Variants in HLCS observed in about 807,000 individuals in gnomAD.
HLCS encodes the protein biotin--protein ligase.
In HLCS, 53 loss-of-function variants were observed where a neutral mutation model predicts 75.0. The ratio of observed to expected loss-of-function variants is 0.71; its 90% CI spans 0.57 to 0.89. The LOEUF is 0.89. Among genes scored for constraint, HLCS ranks in the 40% least tolerant of loss-of-function variants. The pLI, the probability that HLCS is intolerant of heterozygous loss-of-function variation, is 0.00. For missense variants in HLCS, 966 were observed against 1,074.0 expected (o/e 0.90, Z 1.41); for synonymous variants, 431 against 428.6 (o/e 1.01, Z -0.07).
intron 6 of HLCS, among the ~76,000 whole-genome samples, chr21:36,787,003 C>CCAAGTGCACTGAAAGATTCTCCCTT (rs2060707185): frequency 1.3e-5 from 2 of 152,180 alleles, no homozygotes; most frequent in Non-Finnish European, 2.9e-5. Flanking sequence ...AAAGATGCGA[C>CCAAGTGCACTGAAAGATTCTCCCTT]CATGTAGGGA....
intron 5 of HLCS, among the ~76,000 whole-genome samples, chr21:36,911,855 G>A (rs2065729775): frequency 6.6e-6 from 1 of 151,470 alleles, no homozygotes; most frequent in Non-Finnish European, 1.5e-5. Context: ...TGGATCACCT[G>A]AGGTCAGAAG....
At chr21:36,965,593 A>G (rs2068524975) in intron 1 of HLCS, among the ~76,000 whole-genome samples, 2 of 152,232 alleles carry the variant, frequency 1.3e-5, no homozygotes, top group South Asian at 4.1e-4. Flanking sequence ...AAAAGACGCA[A>G]AGACCATCAG....
chr21:36,838,298 TCACACA>T (rs148428941), intron 6 of HLCS, among the ~76,000 whole-genome samples: 9 of 127,300 alleles, frequency 7.1e-5, no homozygotes, highest in East Asian at 2.0e-4. Context: ...GGGTGAATGA[TCACACA>T]CACACACACA....
intron 4 of HLCS, among the ~76,000 whole-genome samples, chr21:36,933,818 G>A (rs1482976928): frequency 6.6e-6 from 1 of 152,174 alleles, no homozygotes; most frequent in Admixed American, 6.5e-5. Context: ...ACTGGTCAGG[G>A]TGAATACACA....
chr21:36,791,395 C>T (rs754055485), intron 6 of HLCS, among the ~76,000 whole-genome samples: 10 of 152,094 alleles, frequency 6.6e-5, no homozygotes, highest in Non-Finnish European at 1.5e-4. Context: ...GCTGGGTCGG[C>T]CAAGAGGTAT....
At chr21:36,962,278 G>C (rs181967006) in intron 1 of HLCS, 108 bp from the exon 2 acceptor site, 42 of 717,024 alleles carry the variant, frequency 5.9e-5, no homozygotes, top group Non-Finnish European at 8.2e-5. Flanking sequence ...AAGTGACATG[G>C]AAATAAGCTT....
chr21:36,800,461 A>G (rs1044076132), intron 6 of HLCS, among the ~76,000 whole-genome samples: 34 of 152,298 alleles, frequency 2.2e-4, no homozygotes, highest in African/African-American at 7.2e-4. Flanking sequence ...GTCACAAGGA[A>G]AGCTGAGGGT....
At chr21:36,767,872 T>G (rs542987165) in intron 6 of HLCS, among the ~76,000 whole-genome samples, 5 of 152,236 alleles carry the variant, frequency 3.3e-5, no homozygotes, top group Non-Finnish European at 7.3e-5. Flanking sequence ...TGCATCGTTT[T>G]CGGCTTCAGT....
chr21:36,981,826 C>T (rs899608374), intron 1 of HLCS, among the ~76,000 whole-genome samples: 2 of 152,152 alleles, frequency 1.3e-5, no homozygotes, highest in African/African-American at 4.8e-5. Context: ...AGACTTGCAG[C>T]CTCTCCTTCT....
intron 6 of HLCS, among the ~76,000 whole-genome samples, chr21:36,890,884 T>C (rs921219917): frequency 6.6e-6 from 1 of 152,222 alleles, no homozygotes; most frequent in Non-Finnish European, 1.5e-5. Context: ...TATCAGAAGG[T>C]ATACTACTTT....
At chr21:36,787,778 T>C (rs1475266050) in intron 6 of HLCS, among the ~76,000 whole-genome samples, 3 of 152,126 alleles carry the variant, frequency 2.0e-5, no homozygotes, top group African/African-American at 7.2e-5. Context: ...TAAGGAAAGT[T>C]AAGAAAAGAG....
At chr21:36,880,927 G>T (rs973037269) in intron 6 of HLCS, among the ~76,000 whole-genome samples, 5 of 151,948 alleles carry the variant, frequency 3.3e-5, no homozygotes, top group African/African-American at 1.2e-4. Flanking sequence ...CTGGGTGTTT[G>T]GGTTGGAAGC....
chr21:36,910,719 G>C (rs1304870834), intron 5 of HLCS, among the ~76,000 whole-genome samples: 1 of 152,138 alleles, frequency 6.6e-6, no homozygotes, highest in East Asian at 1.9e-4. Context: ...GTGTCTGCGT[G>C]TGTGCACCTC....
rs1368177761 is a variant in HLCS at position 36,938,942 on chromosome 21, G to C, written c.383C>G (p.Pro128Arg). 6.2e-7 allele frequency: 1 copy of C among 1,613,172 alleles called. No homozygotes were observed. The highest frequency in any genetic ancestry group is 1.7e-5 in the Admixed American group (1 of 60,020). The change falls in exon 3 of 11, where the codon CCT becomes CGT. Residue 128 changes from proline to arginine, a missense_variant. Coordinates refer to ENST00000674895, the MANE Select transcript of HLCS (RefSeq NM_001352514.2). Reference sequence around the variant, plus strand: ...ACTTGCTTCAGCAATTAGCCGATAAGGATCCCCAGGTCTGCAAGCTAATGG... The same window carrying C: ...ACTTGCTTCAGCAATTAGCCGATAACGATCCCCAGGTCTGCAAGCTAATGG... ...CLPLACRPGD[P>R]YRLIAEASVD... is the part of the protein sequence containing the mutation.
At chr21:36,974,930 GTC>G (rs978495392) in intron 1 of HLCS, 16 of 152,132 alleles carry the variant, frequency 1.1e-4, no homozygotes, top group Admixed American at 1.0e-3. Flanking sequence ...CTCCGTCTCT[GTC>G]TCTAACCCCT....
At chr21:36,958,253 A>AGAAAG (rs55813310) in intron 2 of HLCS, among the ~76,000 whole-genome samples, 80 of 135,908 alleles carry the variant, frequency 5.9e-4, no homozygotes, top group Middle Eastern at 7.4e-3. Context: ...AAAAAAAAAA[A>AGAAAG]AAAGAAAGAA....
At chr21:36,866,117 T>C (rs1249083164) in intron 6 of HLCS, among the ~76,000 whole-genome samples, 2 of 46,148 alleles carry the variant, frequency 4.3e-5, no homozygotes, top group East Asian at 6.2e-4. Context: ...TGAGCGTGAA[T>C]TGTATACATT....
intron 6 of HLCS, among the ~76,000 whole-genome samples, chr21:36,882,274 T>G (rs1194082191): frequency 6.6e-6 from 1 of 151,270 alleles, no homozygotes; most frequent in East Asian, 2.0e-4. Context: ...AGAGCGAGAC[T>G]TCGTCTTGGA....
At chr21:36,819,070 A>T (rs1355676751) in intron 6 of HLCS, among the ~76,000 whole-genome samples, 2 of 152,204 alleles carry the variant, frequency 1.3e-5, no homozygotes, top group East Asian at 3.8e-4. Context: ...ACTGGCAGGA[A>T]GCAGCAGCTT....
Sources: allele counts gnomAD v4.1 joint callset (sites outside exome capture counted in the v4.1 genomes callset), GRCh38; gene constraint gnomAD v4.1.1; transcripts MANE v1.5; gene names NCBI Gene and HGNC (gene_info 2026-07-23, HGNC 2026-07-21).